Variants in SH3GL3 observed in about 807,000 individuals in gnomAD.
SH3GL3 encodes the protein endophilin-A3.
SH3GL3 carries 33 observed loss-of-function variants against 47.7 expected under a neutral mutation model. The ratio of observed to expected loss-of-function variants is 0.69; its 90% CI spans 0.52 to 0.92. The LOEUF (loss-of-function observed/expected upper bound fraction) is 0.92. Ranked by LOEUF, SH3GL3 falls within the 40% of genes least tolerant of loss-of-function variation. The probability of loss-of-function intolerance (pLI) is 0.00; values close to 1 mark genes in which losing one functional copy is unlikely to be tolerated. For synonymous variants in SH3GL3, 155 were observed against 148.8 expected, an observed-to-expected ratio of 1.04 and a Z score of -0.30; for missense variants, 363 against 417.8, an observed-to-expected ratio of 0.87 and a Z score of 1.14.
intron 1 of SH3GL3, among the ~76,000 whole-genome samples, chr15:83,536,224 G>A (rs760046807): frequency 1.1e-4 from 17 of 152,092 alleles, no homozygotes; most frequent in African/African-American, 2.4e-4. Flanking sequence ...GCCCAAAGCC[G>A]AGCCTGAGGA....
At chr15:83,516,373 CT>C (rs2042980191) in intron 1 of SH3GL3, among the ~76,000 whole-genome samples, 1 of 152,172 alleles carries the variant, frequency 6.6e-6, no homozygotes, top group South Asian at 2.1e-4. Flanking sequence ...GTGGCAATCA[CT>C]TATTGCTTTT....
intron 3 of SH3GL3, among the ~76,000 whole-genome samples, chr15:83,567,427 A>G (rs1314497659): frequency 2.0e-5 from 3 of 152,152 alleles, no homozygotes; most frequent in Non-Finnish European, 2.9e-5. Context: ...GAGTCCCAGT[A>G]ATGAGCACAG....
chr15:83,588,803 C>T (rs986258433), intron 8 of SH3GL3, 32 bp downstream of exon 8: 7 of 1,171,816 alleles, frequency 6.0e-6, no homozygotes, highest in Non-Finnish European at 7.7e-6. Context: ...GCTAAGTGTG[C>T]CTTTAGTAAA....
chr15:83,598,900 T>G (rs1228248102), intron 8 of SH3GL3, among the ~76,000 whole-genome samples: 2 of 152,256 alleles, frequency 1.3e-5, no homozygotes, highest in Admixed American at 1.3e-4. Context: ...CATGTGGTAC[T>G]AGTTTTCAGT....
intron 8 of SH3GL3, among the ~76,000 whole-genome samples, chr15:83,616,671 G>A (rs1340282013): frequency 6.6e-6 from 1 of 152,092 alleles, no homozygotes; most frequent in African/African-American, 2.4e-5. Context: ...AATTAATAGT[G>A]CACATTTGTA....
chr15:83,456,941 T>G (rs541329456), intron 1 of SH3GL3, among the ~76,000 whole-genome samples: 2 of 152,374 alleles, frequency 1.3e-5, no homozygotes, highest in East Asian at 1.9e-4. Context: ...TGAGCTATTA[T>G]AAATAAATAC....
intron 8 of SH3GL3, among the ~76,000 whole-genome samples, chr15:83,601,977 G>T (rs1234088873): frequency 6.7e-6 from 1 of 150,114 alleles, no homozygotes; most frequent in Non-Finnish European, 1.5e-5. Flanking sequence ...ACATAAAACC[G>T]AAATGCAGTA....
chr15:83,448,597 C>T lies in SH3GL3; in HGVS notation c.45+1019C>T, dbSNP rs750122348. Reference sequence around the variant, plus strand: ...CACCGCTGGGTCTGTTGCTTCTCACCACCTCTCCCCGCAACCCCAGCCCCC... The same window carrying T: ...CACCGCTGGGTCTGTTGCTTCTCACTACCTCTCCCCGCAACCCCAGCCCCC... On this transcript the variant is annotated intron_variant, in intron 1 of 8. Transcript: ENST00000427482. The surrounding 1 kb of genome is among the most constrained non-coding windows in gnomAD (Gnocchi z 4.2). 3.6e-4 allele frequency among the ~76,000 whole-genome samples: 55 copies of T among 152,166 alleles called. No homozygotes were observed. The highest frequency in any genetic ancestry group is 6.8e-3 in the Middle Eastern group (2 of 294).
At chr15:83,603,304 C>T (rs1046681690) in intron 8 of SH3GL3, among the ~76,000 whole-genome samples, 1 of 152,192 alleles carries the variant, frequency 6.6e-6, no homozygotes, top group Non-Finnish European at 1.5e-5. Flanking sequence ...TCTTAAAAAA[C>T]GTAATGAGCT....
rs567471800 is a variant in SH3GL3, at chr15:83,587,147, A to G, written c.728+61A>G. 2.1e-4 allele frequency: 185 copies of G among 862,722 alleles called. 1 individual carries two copies. The East Asian group carries it at 3.9e-3, about 18-fold the overall frequency. 53.4% of individuals were successfully genotyped at this position (862,722 alleles called of 1,614,324 possible). A position where few individuals can be genotyped will look rare whatever the true frequency, so the allele number is the denominator to read the frequency against. On this transcript the variant is annotated intron_variant, in intron 7 of 8. Coordinates refer to ENST00000427482, the MANE Select transcript of SH3GL3 (RefSeq NM_003027.5). ...GCGGAGGTAACATCTATTGAAATCC[A>G]TCTGTCTGTCTCTCCATCTCTCCAT...
chr15:83,582,730 G>A (rs1339467738), intron 6 of SH3GL3, among the ~76,000 whole-genome samples: 1 of 152,172 alleles, frequency 6.6e-6, no homozygotes, highest in East Asian at 1.9e-4. Context: ...CCAGCAAGGC[G>A]TGAGATACCT....
At position 83,613,620 on chromosome 15, in the gene SH3GL3, AATCTATCTATCTATCTATCT is replaced by A. The variant is rs71453208; in HGVS notation, c.839-4426_839-4407del. Among the ~76,000 whole-genome samples, 181 of 146,916 alleles carry A rather than the reference AATCTATCTATCTATCTATCT, an allele frequency of 1.2e-3. 1 individual carries two copies. Among genetic ancestry groups the A allele is most frequent in the African/African-American group, 3.3e-3 (132 of 39,468 alleles). Reference sequence around the variant, plus strand: ...AGAGTAAATGGGAGGGAAATATATAAATCTATCTATCTATCTATCTATCTATCTATCTATCTATCTATCTA... The same window carrying A: ...AGAGTAAATGGGAGGGAAATATATAAATCTATCTATCTATCTATCTATCTA... On this transcript the variant is annotated intron_variant, in intron 8 of 8. Coordinates refer to ENST00000427482, the MANE Select transcript of SH3GL3 (RefSeq NM_003027.5).
At chr15:83,574,416 G>A (rs762555714) in intron 5 of SH3GL3, among the ~76,000 whole-genome samples, 1 of 152,074 alleles carries the variant, frequency 6.6e-6, no homozygotes, top group Non-Finnish European at 1.5e-5. Flanking sequence ...CCTCTGGGCC[G>A]CAGGGTCTGT....
chr15:83,479,539 C>T (rs2041249734), intron 1 of SH3GL3, among the ~76,000 whole-genome samples: 2 of 152,146 alleles, frequency 1.3e-5, no homozygotes, highest in African/African-American at 2.4e-5. Context: ...AGAGTTATCC[C>T]AGCAAAGGCA....
chr15:83,631,296 A>G, the SH3GL3 span, among the ~76,000 whole-genome samples: 1 of 152,190 alleles, frequency 6.6e-6, no homozygotes, highest in Non-Finnish European at 1.5e-5. Context: ...TTCCAGGTGC[A>G]TGGTGCAAGC....
chr15:83,583,158 C>T (rs896411305), intron 6 of SH3GL3, among the ~76,000 whole-genome samples: 2 of 152,208 alleles, frequency 1.3e-5, no homozygotes, highest in African/African-American at 2.4e-5. Flanking sequence ...AAGATGTACA[C>T]TTCTTTATTC....
intron 1 of SH3GL3, among the ~76,000 whole-genome samples, chr15:83,469,980 C>T (rs2040756270): frequency 6.6e-6 from 1 of 152,178 alleles, no homozygotes; most frequent in Non-Finnish European, 1.5e-5. Context: ...ACATAATTTG[C>T]AGCTCTGCTG....
chr15:83,576,808 T>G lies in SH3GL3; in HGVS notation c.624+67T>G, dbSNP rs559729042. ...TGAAACATTGAATATATGACTATGA[T>G]CGGCATGTTGAAAAACTCTAAAGCA... On this transcript the variant is annotated intron_variant, in intron 6 of 8. Transcript: ENST00000427482. The G allele has an allele frequency of 2.1e-4, 245 of 1,177,200 alleles. 3 individuals are homozygous for G. The South Asian group carries it at 3.5e-3, about 17-fold the overall frequency. 72.9% of individuals were successfully genotyped at this position (1,177,200 alleles called of 1,614,324 possible).
rs151096438 is a variant in SH3GL3, at chr15:83,556,904, G to A, written c.46-2349G>A. Reference sequence around the variant, plus strand: ...GGCCCGAGGTTGCTCAGGTGGGATGGCTGATCTCTGATCCACGTGGTCTTT... The same window carrying A: ...GGCCCGAGGTTGCTCAGGTGGGATGACTGATCTCTGATCCACGTGGTCTTT... On this transcript the variant is annotated intron_variant, in intron 1 of 8. Transcript: ENST00000427482. Among the ~76,000 whole-genome samples, 210 of 152,338 alleles carry A rather than the reference G, an allele frequency of 1.4e-3. 1 individual carries two copies. Among genetic ancestry groups the A allele is most frequent in the Middle Eastern group, 6.8e-3 (2 of 294 alleles).
Sources: allele counts gnomAD v4.1 joint callset (sites outside exome capture counted in the v4.1 genomes callset), GRCh38; gene constraint gnomAD v4.1.1; non-coding constraint Gnocchi (gnomAD v3.1); transcripts MANE v1.5; gene names NCBI Gene and HGNC (gene_info 2026-07-23, HGNC 2026-07-21).